The following SPIDR variants were observed in gnomAD, a reference collection of about 807,000 sequenced individuals.
SPIDR encodes the protein DNA repair-scaffolding protein.
Under a neutral mutation model 104.6 loss-of-function variants are expected in SPIDR, and 93 were observed. The ratio of observed to expected loss-of-function variants is 0.89; its 90% CI spans 0.75 to 1.06. The LOEUF is 1.06. SPIDR is among the 50% of genes least tolerant of loss of function. SPIDR has a pLI of 0.00. For missense variants in SPIDR, 1,154 were observed against 1,111.2 expected (o/e 1.04, Z -0.55); for synonymous variants, 431 against 416.9 (o/e 1.03, Z -0.41).
intron 7 of SPIDR, among the ~76,000 whole-genome samples, chr8:47,435,576 C>T (rs1319812938): frequency 3.9e-5 from 6 of 152,050 alleles, no homozygotes; most frequent in Non-Finnish European, 8.8e-5. Flanking sequence ...GTTTCTTAAT[C>T]GTTTAACATC....
At chr8:47,523,829 C>T (rs2084565709) in intron 8 of SPIDR, among the ~76,000 whole-genome samples, 1 of 152,190 alleles carries the variant, frequency 6.6e-6, no homozygotes, top group Non-Finnish European at 1.5e-5. Context: ...CATTACATAA[C>T]CCAGTTTCTC....
intron 3 of SPIDR, among the ~76,000 whole-genome samples, chr8:47,284,552 T>C (rs931986115): frequency 6.6e-6 from 1 of 152,184 alleles, no homozygotes; most frequent in African/African-American, 2.4e-5. Context: ...AACACTAGAG[T>C]ATTTGAATAA....
intron 5 of SPIDR, among the ~76,000 whole-genome samples, chr8:47,385,427 ATAT>A (rs2059769489): frequency 2.0e-5 from 3 of 152,258 alleles, no homozygotes; most frequent in African/African-American, 7.2e-5. Flanking sequence ...TGTTCTTTAC[ATAT>A]AAAGTATGCT....
chr8:47,445,260 T>A (rs147054864), intron 8 of SPIDR, among the ~76,000 whole-genome samples: 87 of 152,372 alleles, frequency 5.7e-4, no homozygotes, highest in African/African-American at 1.9e-3. Flanking sequence ...ATTTGAATAA[T>A]TATCCCAGTA....
chr8:47,294,094 T>A, intron 5 of SPIDR, 64 bp downstream of exon 5: 1 of 1,527,386 alleles, frequency 6.5e-7, no homozygotes, highest in South Asian at 1.3e-5. Flanking sequence ...TAGTTGTCAT[T>A]TTTTTTTTTG....
intron 11 of SPIDR, among the ~76,000 whole-genome samples, chr8:47,680,850 G>A (rs1373071405): frequency 1.3e-5 from 2 of 152,206 alleles, no homozygotes; most frequent in African/African-American, 2.4e-5. Context: ...GCTCACACCT[G>A]TAATCCCAGC....
chr8:47,550,563 C>T (rs559510443), intron 8 of SPIDR, among the ~76,000 whole-genome samples: 42 of 151,958 alleles, frequency 2.8e-4, no homozygotes, highest in African/African-American at 8.9e-4. Context: ...TTTGGCTCTC[C>T]CTTTGTCTGT....
chr8:47,723,917 CACTT>C (rs1042467509), intron 16 of SPIDR, among the ~76,000 whole-genome samples: 1 of 151,476 alleles, frequency 6.6e-6, no homozygotes, highest in Non-Finnish European at 1.5e-5. Context: ...TTATGCATTT[CACTT>C]ACTCAAAAGG....
chr8:47,675,806 C>G (rs1460540184), intron 11 of SPIDR, among the ~76,000 whole-genome samples: 4 of 152,218 alleles, frequency 2.6e-5, no homozygotes, highest in Non-Finnish European at 5.9e-5. Context: ...GAGCGACACT[C>G]TATCTCAAAA....
At chr8:47,389,923 T>G (rs1483519170) in intron 5 of SPIDR, among the ~76,000 whole-genome samples, 1 of 152,074 alleles carries the variant, frequency 6.6e-6, no homozygotes, top group Non-Finnish European at 1.5e-5. Flanking sequence ...AACACATAGA[T>G]CCAGATGATT....
At chr8:47,470,092 C>T (rs1164644081) in intron 8 of SPIDR, among the ~76,000 whole-genome samples, 11 of 151,814 alleles carry the variant, frequency 7.2e-5, no homozygotes, top group Admixed American at 7.2e-4. Context: ...CTCAAGTAGC[C>T]AAAAAATTTT....
intron 19 of SPIDR, among the ~76,000 whole-genome samples, chr8:47,731,077 G>T (rs2085135061): frequency 6.6e-6 from 1 of 152,004 alleles, no homozygotes; most frequent in South Asian, 2.1e-4. Context: ...GGCCAACATG[G>T]TGACACCCCA....
intron 8 of SPIDR, among the ~76,000 whole-genome samples, chr8:47,501,101 G>A (rs985803322): frequency 6.6e-6 from 1 of 152,142 alleles, no homozygotes. Flanking sequence ...TGTTCTTTTG[G>A]CTTAGGATTG....
chr8:47,591,424 C>A (rs2060995960), intron 8 of SPIDR, among the ~76,000 whole-genome samples: 1 of 145,868 alleles, frequency 6.9e-6, no homozygotes, highest in Non-Finnish European at 1.5e-5. Context: ...CCCTTTCCCT[C>A]CCTATTTATT....
At chr8:47,564,059 T>G (rs974101454) in intron 8 of SPIDR, among the ~76,000 whole-genome samples, 3 of 150,958 alleles carry the variant, frequency 2.0e-5, no homozygotes, top group African/African-American at 4.9e-5. Flanking sequence ...AATATTTGCT[T>G]CTTTTTTCTT....
intron 8 of SPIDR, among the ~76,000 whole-genome samples, chr8:47,486,086 A>G (rs1485281730): frequency 1.3e-5 from 2 of 152,220 alleles, no homozygotes; most frequent in African/African-American, 4.8e-5. Context: ...ACCCATCGCA[A>G]AGCAGCTAAA....
chr8:47,644,312 G>C (rs1483882911), intron 10 of SPIDR, among the ~76,000 whole-genome samples: 1 of 152,242 alleles, frequency 6.6e-6, no homozygotes, highest in Non-Finnish European at 1.5e-5. Context: ...CTGAACGGAA[G>C]CTGATGTCAG....
chr8:47,362,977 C>A (rs564421279), intron 5 of SPIDR, among the ~76,000 whole-genome samples: 1 of 151,528 alleles, frequency 6.6e-6, no homozygotes, highest in African/African-American at 2.4e-5. Flanking sequence ...TGGCCAACAT[C>A]GCCCATTAGA....
At chr8:47,589,692 T>A (rs2060757328) in intron 8 of SPIDR, among the ~76,000 whole-genome samples, 1 of 152,222 alleles carries the variant, frequency 6.6e-6, no homozygotes, top group African/African-American at 2.4e-5. Flanking sequence ...CATTGTACTT[T>A]ACCTAGCCTT....
Sources: allele counts gnomAD v4.1 joint callset (sites outside exome capture counted in the v4.1 genomes callset), GRCh38; gene constraint gnomAD v4.1.1; transcripts MANE v1.5; gene names NCBI Gene and HGNC (gene_info 2026-07-23, HGNC 2026-07-21).